The following CEP152 variants were observed in gnomAD, a reference collection of about 807,000 sequenced individuals.
The protein encoded by CEP152 is centrosomal protein 152.
Under a neutral mutation model 188.9 loss-of-function variants are expected in CEP152, and 132 were observed. The observed-to-expected ratio is 0.70, with a 90% CI of 0.61 to 0.81. The LOEUF (loss-of-function observed/expected upper bound fraction) is 0.81, where lower values mean the gene tolerates loss of function less well. CEP152 is among the 30% of genes least tolerant of loss of function. The pLI is 0.00. For synonymous variants in CEP152, 649 were observed against 666.6 expected (o/e 0.97, Z 0.41); for missense variants, 1,914 against 1,969.8 (o/e 0.97, Z 0.54).
At chr15:48,748,381 T>A in intron 22 of CEP152, 62 bp downstream of exon 22, 1 of 1,451,884 alleles carries the variant, frequency 6.9e-7, no homozygotes, top group Non-Finnish European at 9.0e-7. Flanking sequence ...ATGTCACATT[T>A]GAACATTTCA....
chr15:48,756,669 A>G, intron 19 of CEP152, 116 bp from the exon 20 acceptor site: 1 of 918,846 alleles, frequency 1.1e-6, no homozygotes, highest in South Asian at 1.6e-5. Flanking sequence ...AATCAAAATT[A>G]AAAGGAAACA....
chr15:48,792,403 A>G (rs2140889119), intron 7 of CEP152, among the ~76,000 whole-genome samples: 1 of 152,346 alleles, frequency 6.6e-6, no homozygotes, highest in East Asian at 1.9e-4. Flanking sequence ...ACAGAAAGAG[A>G]CATTTTTACC....
In CEP152 at chr15:48,741,928, T is replaced by C. The variant is rs1422592378; in HGVS notation, c.3989+19A>G. On this transcript the variant is annotated intron_variant, in intron 25 of 26. Transcript: ENST00000380950. Reference sequence around the variant, plus strand: ...GTTGTCCTGGTAATCTCAGGACACATTGTTCAGACTGAACTCACCCTTCTT... The same window carrying C: ...GTTGTCCTGGTAATCTCAGGACACACTGTTCAGACTGAACTCACCCTTCTT... The C allele has an allele frequency of 8.7e-6, 14 of 1,614,184 alleles. No homozygotes were observed. The highest frequency in any genetic ancestry group is 1.6e-4 in the Middle Eastern group (1 of 6,062).
chr15:48,756,291 T>A lies in CEP152; in HGVS notation c.2957A>T (p.His986Leu). Residue 986 changes from histidine to leucine, a missense_variant, in exon 20 of 27, where the codon CAC (histidine) becomes CTC (leucine). Coordinates refer to ENST00000380950, the MANE Select transcript of CEP152 (RefSeq NM_001194998.2). ...EQDYRQFLDD[H>L]RNKINEVLAA... ...AAGCACCTCATTAATTTTATTTCGG[T>A]GATCATCTAAAAATTGCCGGTAATC... 3 of 1,577,550 alleles carry A rather than the reference T, an allele frequency of 1.9e-6. No individual in the cohort carries two copies. The highest frequency in any genetic ancestry group is 2.6e-6 in the Non-Finnish European group (3 of 1,164,942).
intron 15 of CEP152, 94 bp from the exon 16 acceptor site, chr15:48,767,557 A>C (rs1895220528): frequency 3.9e-6 from 6 of 1,536,082 alleles, no homozygotes; most frequent in Non-Finnish European, 5.4e-6. Context: ...TCTTCCCTCT[A>C]ATGCAAATTA....
chr15:48,763,047 G>C (rs997836701), intron 17 of CEP152, among the ~76,000 whole-genome samples: 1 of 150,942 alleles, frequency 6.6e-6, no homozygotes, highest in African/African-American at 2.4e-5. Flanking sequence ...TCTCCACAAA[G>C]GACCGAGTAA....
rs1017699963 is a variant in CEP152, at chr15:48,738,305, G to A, written c.5077C>T (p.Pro1693Ser). Residue 1693 changes from proline to serine, a missense_variant, in exon 27 of 27, where the codon CCG (proline) becomes TCG (serine). Pro to Ser is a moderately conservative substitution (Grantham distance 74). Transcript: ENST00000380950. ...CQQPSRKLIV[P>S]LSSQQDSGFD... is the part of the protein sequence containing the mutation. ...CCACTATCTTGTTGGCTAGATAGCGGAACAATTAATTTTCTTGAAGGCTGC... is the reference window on the plus strand; with the variant it reads ...CCACTATCTTGTTGGCTAGATAGCGAAACAATTAATTTTCTTGAAGGCTGC... The A allele has an allele frequency of 3.7e-6, 6 of 1,613,858 alleles. No individual in the cohort carries two copies. The African/African-American group carries it at 4.0e-5, about 11-fold the overall frequency.
intron 21 of CEP152, 59 bp downstream of exon 21, chr15:48,752,290 A>G: frequency 1.2e-6 from 2 of 1,613,674 alleles, no homozygotes; most frequent in Non-Finnish European, 1.7e-6. Flanking sequence ...CCTCAAAGCA[A>G]CCCTTCAGAT....
intron 19 of CEP152, 109 bp from the exon 20 acceptor site, chr15:48,756,662 C>A: frequency 1.0e-6 from 1 of 982,254 alleles, no homozygotes; most frequent in South Asian, 1.5e-5. Context: ...AATGTAAAAT[C>A]AAAATTAAAA....
At chr15:48,759,318 T>G (rs1265965104) in intron 19 of CEP152, among the ~76,000 whole-genome samples, 2 of 152,208 alleles carry the variant, frequency 1.3e-5, no homozygotes, top group Non-Finnish European at 2.9e-5. Context: ...GAATTTATTG[T>G]GATACACGTT....
downstream of CEP152, among the ~76,000 whole-genome samples, chr15:48,734,523 G>A (rs1892533487): frequency 6.6e-6 from 1 of 150,528 alleles, no homozygotes. Context: ...AATGGAAAAT[G>A]CAAACCTAAC....
intron 13 of CEP152, among the ~76,000 whole-genome samples, chr15:48,770,560 A>C (rs1327105763): frequency 6.6e-6 from 1 of 152,228 alleles, no homozygotes; most frequent in Non-Finnish European, 1.5e-5. Flanking sequence ...TCAGACTCAA[A>C]ATCAGGTTTC....
chr15:48,791,472 T>A (rs1896984448), intron 7 of CEP152, 96 bp from the exon 8 acceptor site: 1 of 1,074,674 alleles, frequency 9.3e-7, no homozygotes, highest in Admixed American at 2.1e-5. Flanking sequence ...CATATATAAA[T>A]GTTGTTGAAT....
chr15:48,752,518 A>T (rs1893953032), intron 20 of CEP152, 49 bp from the exon 21 acceptor site: 1 of 1,588,872 alleles, frequency 6.3e-7, no homozygotes, highest in Non-Finnish European at 8.5e-7. Flanking sequence ...ATCTTTATAC[A>T]ATTTTATATT....
chr15:48,795,575 T>C (rs1167577654), intron 6 of CEP152, among the ~76,000 whole-genome samples: 3 of 152,204 alleles, frequency 2.0e-5, no homozygotes, highest in African/African-American at 4.8e-5. Flanking sequence ...TACTTAACAC[T>C]ATACAAATAA....
chr15:48,739,256 C>G lies in CEP152; in HGVS notation c.4126G>C (p.Val1376Leu), dbSNP rs781450074. Residue 1376 changes from valine (V) to leucine (L), a missense_variant, in exon 27 of 27, where the codon GTT (valine) becomes CTT (leucine). Coordinates refer to ENST00000380950, the MANE Select transcript of CEP152 (RefSeq NM_001194998.2). Reference protein sequence around the residue: ...LPLTSEMLIAVKKSKRNDVNQ... With the variant: ...LPLTSEMLIALKKSKRNDVNQ... The stretch of plus-strand genomic sequence containing the variant: ...ACATCATTTCTTTTTGATTTTTTAA[C>G]TGCAATCAGCATCTCTGAAGTTAGG... 5.0e-6 allele frequency: 8 copies of G among 1,613,074 alleles called. No homozygotes were observed. The highest frequency in any genetic ancestry group is 6.8e-6 in the Non-Finnish European group (8 of 1,179,796).
intron 26 of CEP152, 95 bp from the exon 27 acceptor site, chr15:48,739,383 G>A (rs1892804328): frequency 7.0e-7 from 1 of 1,435,540 alleles, no homozygotes; most frequent in Non-Finnish European, 9.1e-7. Context: ...TTAAAAATAA[G>A]AAAAAATTTA....
intron 2 of CEP152, among the ~76,000 whole-genome samples, chr15:48,801,046 T>C (rs1426250756): frequency 6.6e-6 from 1 of 152,192 alleles, no homozygotes. Flanking sequence ...TCAATATTCA[T>C]GAAGGCAAGA....
chr15:48,759,511 G>T (rs1894524775), intron 19 of CEP152, among the ~76,000 whole-genome samples: 1 of 152,166 alleles, frequency 6.6e-6, no homozygotes, highest in African/African-American at 2.4e-5. Flanking sequence ...AGTCTGAGTT[G>T]TTGCTTTCCA....
Sources: allele counts gnomAD v4.1 joint callset (sites outside exome capture counted in the v4.1 genomes callset), GRCh38; gene constraint gnomAD v4.1.1; transcripts MANE v1.5; gene names NCBI Gene and HGNC (gene_info 2026-07-23, HGNC 2026-07-21).